Variants in SCAPER observed in about 807,000 individuals in gnomAD.
SCAPER encodes S-phase cyclin A associated protein in the ER.
In SCAPER, 98 loss-of-function variants were observed where a neutral mutation model predicts 182.2. The ratio of observed to expected loss-of-function variants is 0.54; its 90% confidence interval spans 0.46 to 0.64. SCAPER has a LOEUF of 0.64. Among genes scored for constraint, SCAPER ranks in the 30% least tolerant of loss-of-function variants. The pLI is 0.00. For missense variants in SCAPER, 1,432 were observed against 1,690.0 expected, an observed-to-expected ratio of 0.85 and a Z score of 2.68; for synonymous variants, 605 against 564.6, an observed-to-expected ratio of 1.07 and a Z score of -1.01.
At position 76,572,909 on chromosome 15, in the gene SCAPER, T is replaced by TCACACA. The variant is rs1441837995; in HGVS notation, c.2838+1248_2838+1249insTGTGTG. ...CGTGCACTCTCTCTCTCTCTCTCTCTCTCTCTCTCTCACACACACACACAC... is the reference window on the plus strand; with the variant it reads ...CGTGCACTCTCTCTCTCTCTCTCTCTCACACACTCTCTCTCTCACACACACACACAC... On this transcript the variant is annotated intron_variant, in intron 23 of 31. Coordinates refer to ENST00000563290, the MANE Select transcript of SCAPER (RefSeq NM_020843.4). 8.4e-3 allele frequency among the ~76,000 whole-genome samples: 439 copies of TCACACA among 52,244 alleles called. 3 individuals carry two copies. The highest frequency in any genetic ancestry group is 0.019 in the South Asian group (22 of 1,146). The allele number at this position is 52,244 out of a possible 152,430, so 34.3% of individuals were successfully genotyped here. A position where few individuals can be genotyped will look rare whatever the true frequency, so the allele number is the denominator to read the frequency against.
chr15:76,470,407 T>C (rs1415256086), intron 25 of SCAPER, among the ~76,000 whole-genome samples: 1 of 152,126 alleles, frequency 6.6e-6, no homozygotes, highest in Non-Finnish European at 1.5e-5. Flanking sequence ...AAGGTAACAT[T>C]AAGCCTTGGT....
At chr15:76,650,168 G>T (rs1034078938) in intron 21 of SCAPER, among the ~76,000 whole-genome samples, 1 of 152,044 alleles carries the variant, frequency 6.6e-6, no homozygotes, top group African/African-American at 2.4e-5. Context: ...ATTTGAAACT[G>T]AGCAAACACT....
chr15:76,670,687 C>G (rs950122387), intron 20 of SCAPER, among the ~76,000 whole-genome samples: 7 of 152,192 alleles, frequency 4.6e-5, no homozygotes, highest in South Asian at 2.1e-4. Context: ...TTCTAAATCT[C>G]TGGATTAGTT....
At chr15:76,581,312 T>C (rs1212031267) in intron 22 of SCAPER, among the ~76,000 whole-genome samples, 1 of 152,206 alleles carries the variant, frequency 6.6e-6, no homozygotes, top group Non-Finnish European at 1.5e-5. Context: ...AAACTCATTC[T>C]AGGAGGTTAG....
intron 1 of SCAPER, among the ~76,000 whole-genome samples, chr15:76,897,093 G>C (rs1419494631): frequency 6.6e-6 from 1 of 152,034 alleles, no homozygotes; most frequent in Non-Finnish European, 1.5e-5. Flanking sequence ...TATAAAACAA[G>C]AGTAAAAATA....
chr15:76,887,840 A>G (rs2152579565), intron 1 of SCAPER, among the ~76,000 whole-genome samples: 1 of 152,326 alleles, frequency 6.6e-6, no homozygotes, highest in East Asian at 1.9e-4. Flanking sequence ...GAGGACAGAC[A>G]GACTGCCTCC....
At chr15:76,648,841 G>A (rs2054770678) in intron 21 of SCAPER, among the ~76,000 whole-genome samples, 1 of 152,224 alleles carries the variant, frequency 6.6e-6, no homozygotes, top group Non-Finnish European at 1.5e-5. Flanking sequence ...TCAACATGGA[G>A]GTTCCCTCTT....
intron 23 of SCAPER, among the ~76,000 whole-genome samples, chr15:76,520,298 A>C (rs1179868619): frequency 6.6e-6 from 1 of 152,184 alleles, no homozygotes; most frequent in Non-Finnish European, 1.5e-5. Context: ...AGGTCACTGC[A>C]GCCTCCACCT....
At chr15:76,483,610 G>A (rs1296264031) in intron 24 of SCAPER, among the ~76,000 whole-genome samples, 1 of 152,082 alleles carries the variant, frequency 6.6e-6, no homozygotes, top group Non-Finnish European at 1.5e-5. Context: ...ATCTGATAAA[G>A]TATTTGTATC....
intron 21 of SCAPER, among the ~76,000 whole-genome samples, chr15:76,663,843 G>A (rs905791620): frequency 6.6e-6 from 1 of 152,010 alleles, no homozygotes; most frequent in Non-Finnish European, 1.5e-5. Context: ...TCGCCACATT[G>A]CACTTAAATA....
At chr15:76,758,042 G>T (rs1461098338) in intron 14 of SCAPER, among the ~76,000 whole-genome samples, 1 of 151,946 alleles carries the variant, frequency 6.6e-6, no homozygotes, top group African/African-American at 2.4e-5. Flanking sequence ...CCATTCCATA[G>T]CTGTCTTTTC....
intron 5 of SCAPER, among the ~76,000 whole-genome samples, chr15:76,813,416 T>A (rs62029180): frequency 0.084 from 12,725 of 151,690 alleles, 637 homozygotes; most frequent in African/African-American, 0.13. Flanking sequence ...CTCTGGCCAC[T>A]TCTAGTCAAT....
intron 5 of SCAPER, among the ~76,000 whole-genome samples, chr15:76,823,153 GT>G (rs1262277564): frequency 6.6e-6 from 1 of 152,150 alleles, no homozygotes; most frequent in African/African-American, 2.4e-5. Context: ...ACTTATAAGT[GT>G]TTTTAAACAT....
chr15:76,384,318 T>A (rs914318693), intron 27 of SCAPER, among the ~76,000 whole-genome samples: 8 of 152,228 alleles, frequency 5.3e-5, no homozygotes, highest in Non-Finnish European at 1.2e-4. Flanking sequence ...AAACTGATTA[T>A]CAGCATATTC....
At chr15:76,692,444 T>C (rs188388578) in intron 20 of SCAPER, among the ~76,000 whole-genome samples, 34 of 152,152 alleles carry the variant, frequency 2.2e-4, no homozygotes, top group Non-Finnish European at 4.6e-4. Flanking sequence ...ATCCCAGTAC[T>C]TTGGGAGGCT....
At chr15:76,464,042 A>T (rs1233205127) in intron 25 of SCAPER, among the ~76,000 whole-genome samples, 1 of 133,650 alleles carries the variant, frequency 7.5e-6, no homozygotes, top group Non-Finnish European at 1.6e-5. Flanking sequence ...AGACATATAA[A>T]TTTTCTTTAT....
intron 20 of SCAPER, among the ~76,000 whole-genome samples, chr15:76,678,814 C>A (rs909935840): frequency 6.6e-6 from 1 of 152,134 alleles, no homozygotes; most frequent in Non-Finnish European, 1.5e-5. Flanking sequence ...ATACAGCATA[C>A]TGAAGATAAT....
At chr15:76,871,367 C>T (rs950017394) in intron 2 of SCAPER, among the ~76,000 whole-genome samples, 1 of 146,636 alleles carries the variant, frequency 6.8e-6, no homozygotes, top group African/African-American at 2.6e-5. Context: ...TGAGATCGCA[C>T]CACTGCACTC....
chr15:76,637,526 C>G (rs1286461380), intron 21 of SCAPER, among the ~76,000 whole-genome samples: 2 of 151,670 alleles, frequency 1.3e-5, no homozygotes, highest in Admixed American at 1.3e-4. Flanking sequence ...GTGAGACCCC[C>G]CCATCTCTAC....
Sources: allele counts gnomAD v4.1 joint callset (sites outside exome capture counted in the v4.1 genomes callset), GRCh38; gene constraint gnomAD v4.1.1; transcripts MANE v1.5; gene names NCBI Gene and HGNC (gene_info 2026-07-23, HGNC 2026-07-21).